STK39: variants seen among roughly 807,000 people sequenced by gnomAD.
STK39 encodes the protein STE20/SPS1-related proline-alanine-rich protein kinase.
STK39 carries 20 observed loss-of-function variants against 77.8 expected under a neutral mutation model. The ratio of observed to expected loss-of-function variants is 0.26; its 90% CI spans 0.18 to 0.37. The LOEUF (loss-of-function observed/expected upper bound fraction) is 0.37. STK39 is among the 10% of genes least tolerant of loss of function. The pLI, the probability that STK39 is intolerant of heterozygous loss-of-function variation, is 1.00. For missense variants in STK39, 479 were observed against 656.5 expected (o/e 0.73, Z 2.95); for synonymous variants, 246 against 234.1 (o/e 1.05, Z -0.47).
chr2:168,212,090 G>A (rs1403583381), intron 1 of STK39, among the ~76,000 whole-genome samples: 2 of 152,180 alleles, frequency 1.3e-5, no homozygotes. Flanking sequence ...CAGTCATCCA[G>A]AACCTTTGTT....
intron 1 of STK39, among the ~76,000 whole-genome samples, chr2:168,206,659 T>C (rs567346897): frequency 6.6e-6 from 1 of 152,328 alleles, no homozygotes; most frequent in South Asian, 2.1e-4. Flanking sequence ...TCCCTAAATA[T>C]AAAATGGGAG....
At chr2:168,220,378 G>A (rs1041769273) in intron 1 of STK39, among the ~76,000 whole-genome samples, 2 of 152,136 alleles carry the variant, frequency 1.3e-5, no homozygotes, top group African/African-American at 4.8e-5. Context: ...CAGCATAATG[G>A]TTAAGAGGGG....
At chr2:167,984,438 T>C (rs1683505665) in intron 16 of STK39, among the ~76,000 whole-genome samples, 2 of 152,156 alleles carry the variant, frequency 1.3e-5, no homozygotes, top group Non-Finnish European at 2.9e-5. Flanking sequence ...CCAAAGAGCA[T>C]GTGAGACACA....
At chr2:168,044,880 C>A (rs1255269433) in intron 14 of STK39, among the ~76,000 whole-genome samples, 1 of 152,004 alleles carries the variant, frequency 6.6e-6, no homozygotes, top group African/African-American at 2.4e-5. Flanking sequence ...TCCAACAGAC[C>A]CACTGCCAAA....
At chr2:168,061,253 A>AC (rs1240488342) in intron 14 of STK39, among the ~76,000 whole-genome samples, 1 of 152,096 alleles carries the variant, frequency 6.6e-6, no homozygotes, top group Admixed American at 6.5e-5. Context: ...AAAAAAAAAA[A>AC]AAACCACATT....
In STK39 at chr2:168,129,748, C is replaced by T; in HGVS notation, c.985G>A (p.Ala329Thr). 1.9e-6 allele frequency: 3 copies of T among 1,613,800 alleles called. No individual in the cohort carries two copies. The highest frequency in any genetic ancestry group is 2.5e-6 in the Non-Finnish European group (3 of 1,179,934). Residue 329 changes from alanine (A) to threonine (T), a missense_variant, in exon 9 of 18, where the codon GCA becomes ACA. By Grantham distance (58) the Ala-to-Thr change is moderately conservative (BLOSUM62 0). Coordinates refer to ENST00000355999, the MANE Select transcript of STK39 (RefSeq NM_013233.3). The stretch of plus-strand genomic sequence containing the variant: ...AAGAATTTGCATTTTAAAAGTTCTG[C>T]TGCTGTGGGCCTGAAAGATCAATAA... ...QKDPSKRPTA[A>T]ELLKCKFFQK...
intron 5 of STK39, among the ~76,000 whole-genome samples, chr2:168,145,906 C>T (rs770848283): frequency 2.0e-5 from 3 of 152,138 alleles, no homozygotes; most frequent in Non-Finnish European, 4.4e-5. Flanking sequence ...AAACAGTGAC[C>T]TGTTGAGAGG....
At chr2:168,032,910 TAAG>T (rs1220411926) in intron 14 of STK39, among the ~76,000 whole-genome samples, 1 of 152,218 alleles carries the variant, frequency 6.6e-6, no homozygotes, top group Non-Finnish European at 1.5e-5. Flanking sequence ...TTACTTGGTT[TAAG>T]AAGAAGTCGA....
At chr2:168,207,856 T>A (rs910879509) in intron 1 of STK39, among the ~76,000 whole-genome samples, 1 of 152,200 alleles carries the variant, frequency 6.6e-6, no homozygotes, top group Non-Finnish European at 1.5e-5. Flanking sequence ...ATCACAGGAA[T>A]GAGATCCCAA....
intron 13 of STK39, among the ~76,000 whole-genome samples, chr2:168,064,927 G>A (rs1398990071): frequency 6.6e-6 from 1 of 152,202 alleles, no homozygotes; most frequent in Non-Finnish European, 1.5e-5. Flanking sequence ...GCAAGTTGTA[G>A]AGACGAATTG....
intron 16 of STK39, among the ~76,000 whole-genome samples, chr2:168,011,572 C>T (rs1467838035): frequency 6.6e-6 from 1 of 152,114 alleles, no homozygotes; most frequent in Non-Finnish European, 1.5e-5. Flanking sequence ...AGCTATTCAT[C>T]CTCACCCTAG....
chr2:168,038,666 A>AT (rs1269576046), intron 14 of STK39, among the ~76,000 whole-genome samples: 3 of 152,188 alleles, frequency 2.0e-5, no homozygotes. Context: ...TTTATTATCC[A>AT]TATGTATCTG....
intron 16 of STK39, among the ~76,000 whole-genome samples, chr2:167,986,008 G>A (rs894654156): frequency 2.0e-5 from 3 of 152,158 alleles, no homozygotes; most frequent in African/African-American, 7.2e-5. Flanking sequence ...CACAGTCACA[G>A]TTTTTCTAAG....
chr2:168,219,321 G>A (rs1279897797), intron 1 of STK39, among the ~76,000 whole-genome samples: 1 of 151,980 alleles, frequency 6.6e-6, no homozygotes, highest in African/African-American at 2.4e-5. Context: ...TTTTCGGTGT[G>A]TTCAGATACT....
chr2:167,997,066 C>T (rs1243841908), intron 16 of STK39, among the ~76,000 whole-genome samples: 1 of 149,326 alleles, frequency 6.7e-6, no homozygotes, highest in Non-Finnish European at 1.5e-5. Context: ...TAGTTGCCTA[C>T]ACCCTTCCGA....
intron 14 of STK39, among the ~76,000 whole-genome samples, chr2:168,019,125 G>A (rs879798629): frequency 5.3e-5 from 8 of 151,968 alleles, no homozygotes; most frequent in Admixed American, 3.3e-4. Context: ...AGGGACTGCC[G>A]CAGTTCCTAT....
chr2:168,061,833 G>A (rs934971415), intron 14 of STK39, among the ~76,000 whole-genome samples: 1 of 152,140 alleles, frequency 6.6e-6, no homozygotes, highest in Non-Finnish European at 1.5e-5. Flanking sequence ...CTAGCACCCA[G>A]GGCAAAATAA....
intron 1 of STK39, among the ~76,000 whole-genome samples, chr2:168,225,108 G>A (rs762332439): frequency 1.3e-5 from 2 of 152,146 alleles, no homozygotes; most frequent in Non-Finnish European, 2.9e-5. Context: ...GGGTTCAGGA[G>A]GAAGAGAACA....
intron 1 of STK39, among the ~76,000 whole-genome samples, chr2:168,226,964 C>T (rs1259595273): frequency 6.6e-6 from 1 of 152,154 alleles, no homozygotes; most frequent in African/African-American, 2.4e-5. Flanking sequence ...ATCCAGAATA[C>T]ACATTTTTAA....
Sources: gnomAD v4.1 joint callset for allele counts (sites outside exome capture counted in the v4.1 genomes callset) on GRCh38, gnomAD v4.1.1 for gene constraint, MANE v1.5 for transcripts, NCBI Gene and HGNC (gene_info 2026-07-23, HGNC 2026-07-21) for gene names.